The following BCAS4 variants were observed in gnomAD, a reference collection of about 807,000 sequenced individuals.
BCAS4 encodes the protein breast carcinoma-amplified sequence 4.
BCAS4 carries 9 observed loss-of-function variants against 15.7 expected under a neutral mutation model. That is an observed-to-expected ratio of 0.57 (90% confidence interval 0.34 to 1.00). The LOEUF (loss-of-function observed/expected upper bound fraction) is 1.00, where lower values mean the gene tolerates loss of function less well. Among genes scored for constraint, BCAS4 ranks in the 50% least tolerant of loss-of-function variants. BCAS4 has a pLI of 0.02. For synonymous variants in BCAS4, 101 were observed against 99.5 expected (o/e 1.02, Z -0.09); for missense variants, 225 against 239.1 (o/e 0.94, Z 0.39).
At chr20:50,869,258 G>A (rs188652574) in intron 4 of BCAS4, among the ~76,000 whole-genome samples, 2 of 152,184 alleles carry the variant, frequency 1.3e-5, no homozygotes, top group African/African-American at 2.4e-5. Flanking sequence ...GTGCCCTGGG[G>A]GATGAAGGTG....
rs1025070425 is a variant in BCAS4, at chr20:50,851,965, G to A, written c.399+10065G>A. On this transcript the variant is annotated intron_variant, in intron 4 of 4. Coordinates refer to ENST00000371608, the MANE Select transcript of BCAS4 (RefSeq NM_198799.4). This position sits in a 1 kb window ranked among gnomAD's most constrained non-coding sequence, Gnocchi z 4.3. ...AGCCTGAGAGCTGCTCAAGGGTGGG[G>A]CCTGTGTCTTGTCTTTGCCATGGTG... Among the ~76,000 whole-genome samples the A allele has an allele frequency of 3.2e-4, 49 of 152,342 alleles. No homozygotes were observed. The highest frequency in any genetic ancestry group is 1.2e-3 in the African/African-American group (48 of 41,578).
At chr20:50,849,598 G>A (rs953247821) in intron 4 of BCAS4, among the ~76,000 whole-genome samples, 1 of 152,346 alleles carries the variant, frequency 6.6e-6, no homozygotes, top group Middle Eastern at 3.4e-3. Context: ...CTGGGCATGA[G>A]ACAGGAGGGA....
chr20:50,872,263 C>CAAAAAAAAAA (rs71192504), intron 4 of BCAS4, among the ~76,000 whole-genome samples: 4 of 62,728 alleles, frequency 6.4e-5, no homozygotes, highest in Admixed American at 4.2e-4. Context: ...GACTCTGTCT[C>CAAAAAAAAAA]AAAAAAAAAA....
At chr20:50,812,597 G>A (rs533671687) in intron 1 of BCAS4, among the ~76,000 whole-genome samples, 7 of 151,616 alleles carry the variant, frequency 4.6e-5, no homozygotes, top group Admixed American at 4.6e-4. Context: ...GTGCCACTAC[G>A]TCCAGCTCAT....
chr20:50,833,342 C>T (rs1316633466), intron 3 of BCAS4, among the ~76,000 whole-genome samples: 3 of 152,272 alleles, frequency 2.0e-5, no homozygotes, highest in Middle Eastern at 3.4e-3. Context: ...AGGAGGAAGC[C>T]GCCGAAGAGT....
At chr20:50,812,762 G>C (rs1179345892) in intron 1 of BCAS4, among the ~76,000 whole-genome samples, 1 of 151,988 alleles carries the variant, frequency 6.6e-6, no homozygotes, top group East Asian at 1.9e-4. Flanking sequence ...TGACTGTAAT[G>C]AATATTGTGC....
intron 1 of BCAS4, among the ~76,000 whole-genome samples, chr20:50,813,211 C>T (rs2123765686): frequency 6.6e-6 from 1 of 152,344 alleles, no homozygotes; most frequent in South Asian, 2.1e-4. Flanking sequence ...AGCAGCTGCA[C>T]AATTGTACCC....
chr20:50,819,664 A>G (rs1031624545), intron 2 of BCAS4, among the ~76,000 whole-genome samples: 1 of 152,044 alleles, frequency 6.6e-6, no homozygotes, highest in Non-Finnish European at 1.5e-5. Context: ...TCTTCTCTTG[A>G]GTCAATTTTT....
At chr20:50,853,881 G>T (rs1210652942) in intron 4 of BCAS4, among the ~76,000 whole-genome samples, 3 of 151,742 alleles carry the variant, frequency 2.0e-5, no homozygotes, top group African/African-American at 7.3e-5. Context: ...GATGTTTTGT[G>T]CACTGGTGGG....
At chr20:50,855,354 C>T (rs1480942470) in intron 4 of BCAS4, among the ~76,000 whole-genome samples, 1 of 152,168 alleles carries the variant, frequency 6.6e-6, no homozygotes, top group African/African-American at 2.4e-5. Flanking sequence ...CTCTGCGTCT[C>T]TCCATGTGTC....
At chr20:50,795,290 T>TC (rs1468866264) in intron 1 of BCAS4, 117 bp downstream of exon 1, 10 of 962,614 alleles carry the variant, frequency 1.0e-5, no homozygotes, top group Non-Finnish European at 1.4e-5. Context: ...GCCCGGGGAT[T>TC]CCCCCCTTCC....
intron 1 of BCAS4, among the ~76,000 whole-genome samples, chr20:50,795,659 C>T (rs2087846711): frequency 1.3e-5 from 2 of 152,268 alleles, no homozygotes; most frequent in Admixed American, 1.3e-4. Context: ...AGACCCTCTA[C>T]CTTCCGGCTG....
At chr20:50,828,460 G>A (rs189997247) in intron 2 of BCAS4, among the ~76,000 whole-genome samples, 3 of 152,184 alleles carry the variant, frequency 2.0e-5, no homozygotes, top group Non-Finnish European at 2.9e-5. Context: ...GGAAAAACAG[G>A]TATAGTTTTC....
intron 2 of BCAS4, among the ~76,000 whole-genome samples, chr20:50,828,909 C>T (rs12185794): frequency 0.19 from 29,300 of 152,154 alleles, 3,871 homozygotes; most frequent in African/African-American, 0.38. Context: ...TCCACGCCAG[C>T]ATTGTGCTAA....
In BCAS4 at chr20:50,847,475, C is replaced by T. The variant is rs1377422823; in HGVS notation, c.399+5575C>T. On this transcript the variant is annotated intron_variant, in intron 4 of 4. Transcript: ENST00000371608. ...GCGGTGAGCGGGAATCACGGGGCAG[C>T]TGACAGAGCCAGCCCTGCTGTGCCA... Among the ~76,000 whole-genome samples the T allele has an allele frequency of 2.0e-5, 3 of 152,204 alleles. No homozygotes were observed. The East Asian group carries it at 5.8e-4, about 29-fold the overall frequency.
Position 50,865,347 on chromosome 20 carries a change from A to G in BCAS4, c.400-11139A>G, listed in dbSNP as rs529802849. 8.5e-5 allele frequency among the ~76,000 whole-genome samples: 13 copies of G among 152,156 alleles called. 1 individual carries two copies. The highest frequency in any genetic ancestry group is 2.9e-4 in the African/African-American group (12 of 41,522). On this transcript the variant is annotated intron_variant, in intron 4 of 4. Transcript: ENST00000371608. ...GCCAAGTTTGGAGGGACCAGACTCGATCAGGAGCTGGTGCCCCATGGAGCC... is the reference window on the plus strand; with the variant it reads ...GCCAAGTTTGGAGGGACCAGACTCGGTCAGGAGCTGGTGCCCCATGGAGCC...
At chr20:50,844,258 A>G (rs1166570153) in intron 4 of BCAS4, among the ~76,000 whole-genome samples, 1 of 152,036 alleles carries the variant, frequency 6.6e-6, no homozygotes, top group Non-Finnish European at 1.5e-5. Flanking sequence ...CCTTGGCAAC[A>G]AAGCAAGACC....
intron 4 of BCAS4, among the ~76,000 whole-genome samples, chr20:50,872,667 C>T (rs1333098468): frequency 6.6e-6 from 1 of 152,198 alleles, no homozygotes; most frequent in Non-Finnish European, 1.5e-5. Context: ...CCCATGCCCA[C>T]CACTCTCCAA....
chr20:50,821,349 C>T (rs555334116), intron 2 of BCAS4, among the ~76,000 whole-genome samples: 5 of 152,298 alleles, frequency 3.3e-5, no homozygotes, highest in East Asian at 3.9e-4. Context: ...CTTGTGGGAC[C>T]CCTGGGGGTG....
Sources: gnomAD v4.1 joint callset for allele counts (sites outside exome capture counted in the v4.1 genomes callset) on GRCh38, gnomAD v4.1.1 for gene constraint, Gnocchi (gnomAD v3.1) non-coding constraint, MANE v1.5 for transcripts, NCBI Gene and HGNC (gene_info 2026-07-23, HGNC 2026-07-21) for gene names.